The following NOX4 variants were observed in gnomAD, a reference collection of about 807,000 sequenced individuals.
The protein encoded by NOX4 is NADPH oxidase 4.
NOX4 carries 69 observed loss-of-function variants against 87.6 expected under a neutral mutation model. The observed-to-expected ratio is 0.79, with a 90% confidence interval of 0.65 to 0.96. The LOEUF (loss-of-function observed/expected upper bound fraction) is 0.96, where lower values mean the gene tolerates loss of function less well. Among genes scored for constraint, NOX4 ranks in the 40% least tolerant of loss-of-function variants. NOX4 has a pLI of 0.00. For synonymous variants in NOX4, 275 were observed against 238.2 expected, an observed-to-expected ratio of 1.15 and a Z score of -1.42; for missense variants, 680 against 681.5, an observed-to-expected ratio of 1.00 and a Z score of 0.02.
At chr11:89,574,178 TA>T in the NOX4 span, among the ~76,000 whole-genome samples, 1 of 152,152 alleles carries the variant, frequency 6.6e-6, no homozygotes, top group Non-Finnish European at 1.5e-5. Flanking sequence ...TGCTAGTGGG[TA>T]GGGGTGAACA....
chr11:89,565,599 C>T, the NOX4 span, among the ~76,000 whole-genome samples: 63 of 151,986 alleles, frequency 4.1e-4, 1 homozygote, highest in African/African-American at 1.4e-3. Context: ...TTCATAATAA[C>T]ATTTGCTACA....
intron 11 of NOX4, among the ~76,000 whole-genome samples, chr11:89,389,971 C>T (rs1161870800): frequency 6.6e-6 from 1 of 152,036 alleles, no homozygotes; most frequent in Non-Finnish European, 1.5e-5. Context: ...ATGAAAGAAC[C>T]TCTTAGGCAC....
the NOX4 span, among the ~76,000 whole-genome samples, chr11:89,559,390 G>A: frequency 6.6e-6 from 1 of 152,050 alleles, no homozygotes. Flanking sequence ...GAATTAACCA[G>A]TATATCTGGT....
chr11:89,402,244 C>T (rs1026774551), intron 9 of NOX4, 82 bp downstream of exon 9: 1 of 1,036,086 alleles, frequency 9.7e-7, no homozygotes, highest in African/African-American at 1.6e-5. Flanking sequence ...GAATATATAG[C>T]TTGAAAAACA....
intron 8 of NOX4, among the ~76,000 whole-genome samples, chr11:89,418,077 C>T (rs1003510011): frequency 1.3e-5 from 2 of 151,806 alleles, no homozygotes; most frequent in South Asian, 2.1e-4. Context: ...TGAAGAAAAT[C>T]GCTAAAATAT....
rs779128255 is a variant in NOX4 at position 89,402,565 on chromosome 11, C to T, written c.630-23G>A. On this transcript the variant is annotated intron_variant, in intron 8 of 17. Coordinates refer to ENST00000263317, the MANE Select transcript of NOX4 (RefSeq NM_016931.5). Reference sequence around the variant, plus strand: ...CCTCTAAAATTACATTTAAAACAAACAAACAGAGAAATGAAAAGATTTGAG... The same window carrying T: ...CCTCTAAAATTACATTTAAAACAAATAAACAGAGAAATGAAAAGATTTGAG... 39 of 1,538,190 alleles carry T rather than the reference C, an allele frequency of 2.5e-5. No individual in the cohort carries two copies. In the East Asian group the frequency reaches 8.8e-4, roughly 35 times the overall value.
intron 11 of NOX4, among the ~76,000 whole-genome samples, chr11:89,386,002 A>G (rs1222953120): frequency 2.0e-5 from 3 of 152,064 alleles, no homozygotes; most frequent in Non-Finnish European, 2.9e-5. Context: ...GAACCTTCAT[A>G]CCCCTTACTG....
intron 7 of NOX4, among the ~76,000 whole-genome samples, chr11:89,431,131 C>T (rs149916785): frequency 1.3e-5 from 2 of 152,204 alleles, no homozygotes; most frequent in East Asian, 3.9e-4. Context: ...ATAAATGGTG[C>T]TGGGAAAACT....
At chr11:89,534,161 G>C in the NOX4 span, 1 of 152,220 alleles carries the variant, frequency 6.6e-6, no homozygotes, top group Non-Finnish European at 1.5e-5. Flanking sequence ...AAGATGCCTA[G>C]ACATTCTGAA....
At chr11:89,471,992 T>G (rs1411564212) in intron 2 of NOX4, among the ~76,000 whole-genome samples, 2 of 152,318 alleles carry the variant, frequency 1.3e-5, no homozygotes, top group African/African-American at 4.8e-5. Flanking sequence ...TCTTCCCACC[T>G]TGGCCTCCCT....
chr11:89,553,928 G>A, the NOX4 span, among the ~76,000 whole-genome samples: 1 of 149,158 alleles, frequency 6.7e-6, no homozygotes, highest in Non-Finnish European at 1.5e-5. Flanking sequence ...TTGGAGGGAA[G>A]TGCCTACCCA....
At chr11:89,440,772 T>A (rs1306630629) in intron 5 of NOX4, 57 bp from the exon 6 acceptor site, 4 of 1,007,984 alleles carry the variant, frequency 4.0e-6, no homozygotes, top group African/African-American at 3.3e-5. Flanking sequence ...TGATATATAA[T>A]TCTATAAAGA....
chr11:89,563,868 G>C, the NOX4 span, among the ~76,000 whole-genome samples: 4 of 151,880 alleles, frequency 2.6e-5, no homozygotes, highest in Non-Finnish European at 5.9e-5. Context: ...CAGTATTTCG[G>C]AAATACAGAA....
At chr11:89,421,088 G>T (rs1943060160) in intron 8 of NOX4, among the ~76,000 whole-genome samples, 1 of 152,110 alleles carries the variant, frequency 6.6e-6, no homozygotes, top group African/African-American at 2.4e-5. Flanking sequence ...AGCAAATATA[G>T]GGATTTCTAC....
chr11:89,560,399 G>A, the NOX4 span, among the ~76,000 whole-genome samples: 1 of 152,114 alleles, frequency 6.6e-6, no homozygotes, highest in African/African-American at 2.4e-5. Context: ...CAAAAATTCT[G>A]TAGTTTTACG....
intron 7 of NOX4, among the ~76,000 whole-genome samples, chr11:89,428,388 T>C (rs1250629111): frequency 6.6e-6 from 1 of 152,080 alleles, no homozygotes; most frequent in Admixed American, 6.6e-5. Flanking sequence ...TAAATGTAAA[T>C]AGACTAAATG....
At chr11:89,500,799 C>A (rs1334608276), upstream of NOX4, among the ~76,000 whole-genome samples, 1 of 152,022 alleles carries the variant, frequency 6.6e-6, no homozygotes, top group African/African-American at 2.4e-5. Context: ...TTATATGGTT[C>A]ACTTCTTTAA....
In NOX4 at chr11:89,491,297, C is replaced by A. The variant is rs747898425; in HGVS notation, c.-51G>T. 36 of 1,558,186 alleles carry A rather than the reference C, an allele frequency of 2.3e-5. No individual in the cohort carries two copies. Among genetic ancestry groups the A allele is most frequent in the African/African-American group, 6.8e-5 (5 of 73,388 alleles). On this transcript the variant is annotated 5_prime_UTR_variant, in exon 1 of 18. Transcript: ENST00000263317. Reference sequence around the variant, plus strand: ...CTGTGCCCGCCGGACCGAGAAGGAGCGGGCGGCGGCCGGGGCAGCGGTTAC... The same window carrying A: ...CTGTGCCCGCCGGACCGAGAAGGAGAGGGCGGCGGCCGGGGCAGCGGTTAC...
intron 11 of NOX4, among the ~76,000 whole-genome samples, chr11:89,397,418 C>A (rs1297183486): frequency 1.3e-5 from 2 of 151,908 alleles, no homozygotes; most frequent in South Asian, 2.1e-4. Context: ...ACTAGAGAAG[C>A]AAGAGCAAAC....
Sources: allele counts gnomAD v4.1 joint callset (sites outside exome capture counted in the v4.1 genomes callset), GRCh38; gene constraint gnomAD v4.1.1; transcripts MANE v1.5; gene names NCBI Gene and HGNC (gene_info 2026-07-23, HGNC 2026-07-21).